The following SETBP1 variants were observed in gnomAD, a reference collection of about 807,000 sequenced individuals.
SETBP1 encodes SET binding protein 1, also known as SET-binding protein.
In SETBP1, 9 loss-of-function variants were observed where a neutral mutation model predicts 101.0. The ratio of observed to expected loss-of-function variants is 0.09; its 90% CI spans 0.05 to 0.16. The LOEUF (loss-of-function observed/expected upper bound fraction) is 0.16, where lower values mean the gene tolerates loss of function less well. Ranked by LOEUF, SETBP1 falls within the 10% of genes least tolerant of loss-of-function variation. The pLI, the probability that SETBP1 is intolerant of heterozygous loss-of-function variation, is 1.00. For synonymous variants in SETBP1, 818 were observed against 788.5 expected (o/e 1.04, Z -0.63); for missense variants, 1,858 against 2,033.8 (o/e 0.91, Z 1.66).
intron 1 of SETBP1, among the ~76,000 whole-genome samples, chr18:44,688,592 A>G (rs568795629): frequency 6.6e-6 from 1 of 151,198 alleles, no homozygotes; most frequent in East Asian, 1.9e-4. Flanking sequence ...AGTTGGGATT[A>G]TAGTCACCCG....
intron 5 of SETBP1, among the ~76,000 whole-genome samples, chr18:45,043,363 T>TCTCTCACACTCACACA (rs143126603): frequency 4.7e-5 from 7 of 149,472 alleles, no homozygotes; most frequent in South Asian, 2.1e-4. Context: ...TCTCTCTCTC[T>TCTCTCACACTCACACA]CTCACACACT....
intron 2 of SETBP1, among the ~76,000 whole-genome samples, chr18:44,736,422 A>C (rs1344509212): frequency 6.6e-6 from 1 of 152,216 alleles, no homozygotes; most frequent in South Asian, 2.1e-4. Flanking sequence ...ACACAAGACA[A>C]GTCTTTAAAA....
At chr18:45,012,841 TAGAC>T (rs2072867437) in intron 4 of SETBP1, among the ~76,000 whole-genome samples, 1 of 152,082 alleles carries the variant, frequency 6.6e-6, no homozygotes, top group Non-Finnish European at 1.5e-5. Flanking sequence ...TGTGGACTGA[TAGAC>T]ATTGAGGACT....
chr18:44,732,297 G>T (rs1226269999), intron 2 of SETBP1, among the ~76,000 whole-genome samples: 1 of 152,176 alleles, frequency 6.6e-6, no homozygotes, highest in Non-Finnish European at 1.5e-5. Context: ...CTATGCAATT[G>T]TATTTTCTTT....
chr18:44,837,189 C>T (rs559750558), intron 2 of SETBP1, among the ~76,000 whole-genome samples: 4 of 152,274 alleles, frequency 2.6e-5, no homozygotes, highest in Admixed American at 1.3e-4. Context: ...GCTATGCACT[C>T]CTTTTTTCAG....
chr18:44,794,128 A>T (rs2071422183), intron 2 of SETBP1, among the ~76,000 whole-genome samples: 2 of 152,166 alleles, frequency 1.3e-5, no homozygotes, highest in Non-Finnish European at 2.9e-5. Context: ...GGAGGGCTAA[A>T]TAAGAGGGGG....
chr18:44,997,217 C>T (rs1439422137), intron 4 of SETBP1, among the ~76,000 whole-genome samples: 13 of 152,092 alleles, frequency 8.5e-5, no homozygotes, highest in Non-Finnish European at 1.5e-5. Flanking sequence ...CAAAATAGGC[C>T]TCCCTAGTCC....
intron 2 of SETBP1, among the ~76,000 whole-genome samples, chr18:44,798,775 A>G (rs2071536682): frequency 1.3e-5 from 2 of 152,204 alleles, no homozygotes; most frequent in South Asian, 2.1e-4. Context: ...ACTTACGTGT[A>G]GCTCAGCTGT....
chr18:44,774,343 G>T (rs765181925), intron 2 of SETBP1, among the ~76,000 whole-genome samples: 2 of 151,670 alleles, frequency 1.3e-5, no homozygotes, highest in Non-Finnish European at 2.9e-5. Flanking sequence ...CTTCAGGAGA[G>T]AGTATATGTG....
chr18:44,818,834 A>G (rs115885504), intron 2 of SETBP1, among the ~76,000 whole-genome samples: 1 of 151,886 alleles, frequency 6.6e-6, no homozygotes, highest in East Asian at 1.9e-4. Flanking sequence ...CCCTTCCACC[A>G]TCTCCCTCTG....
At position 44,952,778 on chromosome 18, in the gene SETBP1, G is replaced by C. The variant is rs760881451; in HGVS notation, c.3438G>C (p.Arg1146=). ...GCAGTGCCAGTCTGTCCAGTGGTCGGCTCCATAAGAGGAAACACAAACACA... is the reference window on the plus strand; with the variant it reads ...GCAGTGCCAGTCTGTCCAGTGGTCGCCTCCATAAGAGGAAACACAAACACA... The part of the protein sequence containing the change: ...KVGSASLSSG[R]LHKRKHKHKH... Residue 1146 remains arginine, a synonymous_variant, in exon 4 of 6, where the codon CGG becomes CGC. Coordinates refer to ENST00000649279, the MANE Select transcript of SETBP1 (RefSeq NM_015559.3). 1 of 1,614,080 alleles carries C rather than the reference G, an allele frequency of 6.2e-7. No homozygotes were observed. Among genetic ancestry groups the C allele is most frequent in the East Asian group, 2.2e-5 (1 of 44,870 alleles).
intron 3 of SETBP1, among the ~76,000 whole-genome samples, chr18:44,907,034 T>C (rs2070191942): frequency 6.6e-6 from 1 of 152,218 alleles, no homozygotes; most frequent in Non-Finnish European, 1.5e-5. Flanking sequence ...ATTTTCTTTC[T>C]ATAGTTCCTG....
At chr18:44,771,883 C>A (rs960606598) in intron 2 of SETBP1, among the ~76,000 whole-genome samples, 53 of 152,158 alleles carry the variant, frequency 3.5e-4, no homozygotes, top group Non-Finnish European at 2.8e-4. Flanking sequence ...TGATTTCCCC[C>A]CCAAGGGATA....
chr18:44,890,399 G>A (rs923680372), intron 3 of SETBP1, among the ~76,000 whole-genome samples: 3 of 152,086 alleles, frequency 2.0e-5, no homozygotes, highest in Non-Finnish European at 4.4e-5. Context: ...TGTGTCCTGG[G>A]TTTTTCTCCA....
At chr18:44,840,171 C>T (rs2072588272) in intron 2 of SETBP1, among the ~76,000 whole-genome samples, 1 of 152,226 alleles carries the variant, frequency 6.6e-6, no homozygotes, top group African/African-American at 2.4e-5. Flanking sequence ...TTTATTGTCT[C>T]ATTCCTCCAT....
intron 2 of SETBP1, among the ~76,000 whole-genome samples, chr18:44,808,291 C>CT (rs1165241825): frequency 6.6e-6 from 1 of 152,158 alleles, no homozygotes; most frequent in African/African-American, 2.4e-5. Flanking sequence ...CTTTATAAAT[C>CT]TTTGTTTCTT....
At chr18:44,858,153 G>A (rs1254351937) in intron 2 of SETBP1, among the ~76,000 whole-genome samples, 1 of 152,194 alleles carries the variant, frequency 6.6e-6, no homozygotes. Context: ...ATCTAGTCCT[G>A]TTTTCCAAGG....
At chr18:44,753,002 C>T (rs2070419245) in intron 2 of SETBP1, among the ~76,000 whole-genome samples, 2 of 152,184 alleles carry the variant, frequency 1.3e-5, no homozygotes, top group African/African-American at 4.8e-5. Context: ...GATGAGGAAA[C>T]CAAGACTTAG....
At chr18:44,778,396 G>T (rs2071052310) in intron 2 of SETBP1, among the ~76,000 whole-genome samples, 1 of 152,182 alleles carries the variant, frequency 6.6e-6, no homozygotes, top group East Asian at 1.9e-4. Flanking sequence ...TTAGGGTTAA[G>T]AAGTTCATCA....
Sources: allele counts gnomAD v4.1 joint callset (sites outside exome capture counted in the v4.1 genomes callset), GRCh38; gene constraint gnomAD v4.1.1; transcripts MANE v1.5; gene names NCBI Gene and HGNC (gene_info 2026-07-23, HGNC 2026-07-21).